MED4: variants seen among roughly 807,000 people sequenced by gnomAD.
MED4 encodes mediator complex subunit 4.
A neutral mutation model predicts 35.0 loss-of-function variants in MED4; 21 were observed. The ratio of observed to expected loss-of-function variants is 0.60; its 90% CI spans 0.43 to 0.86. The LOEUF (loss-of-function observed/expected upper bound fraction) is 0.86. Ranked by LOEUF, MED4 falls within the 40% of genes least tolerant of loss-of-function variation. MED4 has a pLI of 0.00. For missense variants in MED4, 300 were observed against 319.4 expected, an observed-to-expected ratio of 0.94 and a Z score of 0.46; for synonymous variants, 138 against 114.0, an observed-to-expected ratio of 1.21 and a Z score of -1.34.
intron 1 of MED4, chr13:48,093,481 GCC>G: frequency 8.4e-6 from 3 of 356,228 alleles, no homozygotes; most frequent in South Asian, 4.3e-5. Flanking sequence ...ATAAATGCAA[GCC>G]AGACACAAAT....
At chr13:48,080,357 A>G (rs1291083106) in intron 5 of MED4, among the ~76,000 whole-genome samples, 1 of 140,742 alleles carries the variant, frequency 7.1e-6, no homozygotes, top group Admixed American at 8.0e-5. Context: ...AGATTGCACC[A>G]CTGCACTCCA....
At position 48,077,095 on chromosome 13, in the gene MED4, G is replaced by A; in HGVS notation, c.*44C>T. ...TTTCCCTGCTACTGTTAAAGAAACA[G>A]AATTCTACAGTATTCAATTCTGTAT... On this transcript the variant is annotated 3_prime_UTR_variant, in exon 7 of 7. Coordinates refer to ENST00000258648, the MANE Select transcript of MED4 (RefSeq NM_014166.4). 4 of 1,481,044 alleles carry A rather than the reference G, an allele frequency of 2.7e-6. No homozygotes were observed. The highest frequency in any genetic ancestry group is 3.6e-6 in the Non-Finnish European group (4 of 1,102,086). The allele number at this position is 1,481,044 out of a possible 1,614,324, so 91.7% of individuals were successfully genotyped here.
intron 3 of MED4, among the ~76,000 whole-genome samples, chr13:48,084,265 CAAAAAAAAAA>C (rs71099664): frequency 6.4e-5 from 7 of 109,972 alleles, no homozygotes; most frequent in African/African-American, 7.2e-5. Flanking sequence ...GACTCTGTCT[CAAAAAAAAAA>C]AAAAAAAAAA....
At position 48,089,583 on chromosome 13, in the gene MED4, A is replaced by C. The variant is rs138138060; in HGVS notation, c.192+769T>G. On this transcript the variant is annotated intron_variant, in intron 2 of 6. Coordinates refer to ENST00000258648, the MANE Select transcript of MED4 (RefSeq NM_014166.4). Reference sequence around the variant, plus strand: ...CACAGTGAGACTATGTCTCTACCAAAAAAAAAAATTTCTTTTAAATTAGCA... The same window carrying C: ...CACAGTGAGACTATGTCTCTACCAACAAAAAAAATTTCTTTTAAATTAGCA... 3.4e-3 allele frequency among the ~76,000 whole-genome samples: 522 copies of C among 152,196 alleles called. 1 individual carries two copies. The highest frequency in any genetic ancestry group is 5.9e-3 in the Non-Finnish European group (403 of 67,986).
At chr13:48,080,864 G>GT (rs766954718) in intron 5 of MED4, among the ~76,000 whole-genome samples, 1 of 151,752 alleles carries the variant, frequency 6.6e-6, no homozygotes, top group African/African-American at 2.4e-5. Context: ...ACTAATTCGT[G>GT]TAAGTGGCAA....
chr13:48,092,168 C>A (rs1208189137), intron 1 of MED4, among the ~76,000 whole-genome samples: 2 of 152,094 alleles, frequency 1.3e-5, no homozygotes, highest in Non-Finnish European at 2.9e-5. Context: ...AGTGCAATGG[C>A]GCGATCTCGG....
At chr13:48,080,509 C>G (rs1001870556) in intron 5 of MED4, among the ~76,000 whole-genome samples, 3 of 149,678 alleles carry the variant, frequency 2.0e-5, no homozygotes, top group Non-Finnish European at 4.4e-5. Context: ...TTTTCTGAAT[C>G]TTCCCAAGAA....
chr13:48,083,097 C>T (rs751591852), intron 4 of MED4, among the ~76,000 whole-genome samples: 25 of 152,234 alleles, frequency 1.6e-4, no homozygotes, highest in Non-Finnish European at 3.4e-4. Context: ...CCCTCTCCCA[C>T]CAATTTTATA....
chr13:48,088,665 G>GA (rs1950869754), intron 2 of MED4, among the ~76,000 whole-genome samples: 1 of 152,098 alleles, frequency 6.6e-6, no homozygotes, highest in African/African-American at 2.4e-5. Context: ...TTGTTCAGTA[G>GA]AAAAAAATTA....
chr13:48,091,601 G>C (rs529541719), intron 1 of MED4, among the ~76,000 whole-genome samples: 45 of 152,202 alleles, frequency 3.0e-4, no homozygotes, highest in Middle Eastern at 3.4e-3. Context: ...GAAAAAAGTA[G>C]ATATAAGAAT....
At chr13:48,088,532 A>T (rs944625338) in intron 2 of MED4, among the ~76,000 whole-genome samples, 1 of 152,220 alleles carries the variant, frequency 6.6e-6, no homozygotes, top group Admixed American at 6.5e-5. Flanking sequence ...TTCCATTTCT[A>T]TAAAAGCTGT....
chr13:48,077,362 T>C (rs749045995), intron 6 of MED4, 51 bp from the exon 7 acceptor site: 2 of 1,324,918 alleles, frequency 1.5e-6, no homozygotes, highest in Admixed American at 5.7e-5. Flanking sequence ...GTAATTAATC[T>C]AGTTCTTACT....
chr13:48,089,768 C>T (rs964803860), intron 2 of MED4, among the ~76,000 whole-genome samples: 7 of 151,856 alleles, frequency 4.6e-5, no homozygotes, highest in African/African-American at 1.7e-4. Context: ...AAAAACTGTG[C>T]CAAAAACATA....
intron 3 of MED4, among the ~76,000 whole-genome samples, chr13:48,084,802 T>C (rs1555265445): frequency 1.3e-5 from 2 of 151,758 alleles, no homozygotes; most frequent in Non-Finnish European, 2.9e-5. Flanking sequence ...TAAGCAAGTA[T>C]TACATACATA....
chr13:48,086,164 T>C (rs776665958), intron 3 of MED4, 118 bp downstream of exon 3: 5 of 889,568 alleles, frequency 5.6e-6, no homozygotes, highest in South Asian at 3.4e-5. Flanking sequence ...TGACAAGATA[T>C]CACCTTTAGA....
Position 48,083,375 on chromosome 13 carries a change from T to C in MED4, c.417A>G (p.Arg139=), listed in dbSNP as rs773664642. 8 of 1,612,666 alleles carry C rather than the reference T, an allele frequency of 5.0e-6. No individual in the cohort carries two copies. The East Asian group carries it at 1.1e-4, about 22-fold the overall frequency. The change falls in exon 4 of 7, where the codon AGA becomes AGG. Residue 139 remains arginine, a synonymous_variant. Coordinates refer to ENST00000258648, the MANE Select transcript of MED4 (RefSeq NM_014166.4). The part of the protein sequence containing the change: ...KEKLKSIEKA[R]KGAISSEEII... Reference sequence around the variant, plus strand: ...CAGTCTTCCCATGATACTAACCTTTTCTTGCTTTTTCTATTGACTTGAGTT... The same window carrying C: ...CAGTCTTCCCATGATACTAACCTTTCCTTGCTTTTTCTATTGACTTGAGTT...
intron 1 of MED4, among the ~76,000 whole-genome samples, chr13:48,092,402 G>A (rs988629645): frequency 1.3e-5 from 2 of 152,192 alleles, no homozygotes; most frequent in Non-Finnish European, 2.9e-5. Context: ...ATGAGCCACT[G>A]CGCCCGGCCT....
chr13:48,094,695 T>C (rs1950914987), intron 1 of MED4, among the ~76,000 whole-genome samples: 2 of 152,170 alleles, frequency 1.3e-5, no homozygotes, highest in South Asian at 4.2e-4. Flanking sequence ...GTTCCATAAA[T>C]GTTAAGTGGC....
At chr13:48,085,058 TG>T (rs1428494696) in intron 3 of MED4, among the ~76,000 whole-genome samples, 2 of 151,518 alleles carry the variant, frequency 1.3e-5, no homozygotes, top group Non-Finnish European at 2.9e-5. Flanking sequence ...TTAGTAGAGA[TG>T]GATTTCACCA....
Sources: gnomAD v4.1 joint callset for allele counts (sites outside exome capture counted in the v4.1 genomes callset) on GRCh38, gnomAD v4.1.1 for gene constraint, MANE v1.5 for transcripts, NCBI Gene and HGNC (gene_info 2026-07-23, HGNC 2026-07-21) for gene names.